DNAJC5B: variants seen among roughly 807,000 people sequenced by gnomAD.
DNAJC5B encodes dnaJ homolog subfamily C member 5B.
DNAJC5B carries 23 observed loss-of-function variants against 24.7 expected under a neutral mutation model. The observed-to-expected ratio is 0.93, with a 90% confidence interval of 0.67 to 1.32. DNAJC5B has a LOEUF of 1.32. Ranked by LOEUF, DNAJC5B falls within the 40% of genes most tolerant of loss-of-function variation. The pLI, the probability that DNAJC5B is intolerant of heterozygous loss-of-function variation, is 0.00. For missense variants in DNAJC5B, 238 were observed against 240.8 expected, an observed-to-expected ratio of 0.99 and a Z score of 0.08; for synonymous variants, 101 against 90.1, an observed-to-expected ratio of 1.12 and a Z score of -0.68.
intron 5 of DNAJC5B, among the ~76,000 whole-genome samples, chr8:66,097,230 GA>G (rs1807973394): frequency 6.7e-6 from 1 of 148,712 alleles, no homozygotes; most frequent in Admixed American, 6.7e-5. Context: ...TAAATTGTCA[GA>G]GTGTCTTTTC....
At chr8:66,059,014 G>A (rs1425639238) in intron 3 of DNAJC5B, among the ~76,000 whole-genome samples, 1 of 152,170 alleles carries the variant, frequency 6.6e-6, no homozygotes, top group Non-Finnish European at 1.5e-5. Flanking sequence ...TGGTGCTGCT[G>A]TTTAAAAACC....
At chr8:66,084,073 A>T (rs1371413106) in intron 5 of DNAJC5B, among the ~76,000 whole-genome samples, 1 of 152,202 alleles carries the variant, frequency 6.6e-6, no homozygotes, top group South Asian at 2.1e-4. Flanking sequence ...CCCTCTCCTT[A>T]TAAGGAACTA....
intron 4 of DNAJC5B, among the ~76,000 whole-genome samples, chr8:66,078,601 AAATAGCTTAAAAAAGG>A (rs1807523256): frequency 1.3e-5 from 2 of 152,160 alleles, no homozygotes; most frequent in South Asian, 4.1e-4. Flanking sequence ...AAAAGGACAA[AAATAGCTTAAAAAAGG>A]GAGGAGTTTC....
intron 3 of DNAJC5B, chr8:66,057,122 G>A (rs1806983010): frequency 6.6e-6 from 1 of 152,154 alleles, no homozygotes; most frequent in African/African-American, 2.4e-5. Flanking sequence ...CTGGGCGACA[G>A]AGCAAGACTG....
chr8:66,032,500 C>T (rs1400276299), intron 1 of DNAJC5B, among the ~76,000 whole-genome samples: 1 of 152,194 alleles, frequency 6.6e-6, no homozygotes, highest in Non-Finnish European at 1.5e-5. Flanking sequence ...CCCCACTCTG[C>T]TTGGGAGGGA....
intron 5 of DNAJC5B, among the ~76,000 whole-genome samples, chr8:66,082,026 T>C (rs1361444274): frequency 6.6e-6 from 1 of 151,798 alleles, no homozygotes; most frequent in Non-Finnish European, 1.5e-5. Context: ...CAGGAAAAGG[T>C]CCGTGACATT....
At chr8:66,098,892 T>C (rs1808011652) in intron 5 of DNAJC5B, among the ~76,000 whole-genome samples, 1 of 152,140 alleles carries the variant, frequency 6.6e-6, no homozygotes, top group Non-Finnish European at 1.5e-5. Context: ...ATAAAAGCAG[T>C]TATTGAAGTC....
chr8:66,054,119 A>G (rs1806913602), intron 3 of DNAJC5B, among the ~76,000 whole-genome samples: 1 of 151,928 alleles, frequency 6.6e-6, no homozygotes, highest in Non-Finnish European at 1.5e-5. Flanking sequence ...ATTATAACAC[A>G]TATTTTCAAT....
At chr8:66,074,184 G>C (rs1807412855) in intron 3 of DNAJC5B, among the ~76,000 whole-genome samples, 1 of 152,170 alleles carries the variant, frequency 6.6e-6, no homozygotes, top group South Asian at 2.1e-4. Context: ...CCACGAGATT[G>C]ACAGACATTA....
chr8:66,046,228 G>A (rs1806719845), intron 2 of DNAJC5B, among the ~76,000 whole-genome samples: 1 of 152,142 alleles, frequency 6.6e-6, no homozygotes, highest in Non-Finnish European at 1.5e-5. Context: ...CTACTTCCAG[G>A]TAACTCTACT....
At chr8:66,078,354 G>A (rs1807517560) in intron 4 of DNAJC5B, among the ~76,000 whole-genome samples, 1 of 152,110 alleles carries the variant, frequency 6.6e-6, no homozygotes, top group Admixed American at 6.5e-5. Flanking sequence ...CCTGCACGTA[G>A]CAATCATGTG....
chr8:66,081,304 C>T (rs555197541), intron 5 of DNAJC5B, among the ~76,000 whole-genome samples: 55 of 152,148 alleles, frequency 3.6e-4, no homozygotes, highest in Non-Finnish European at 6.8e-4. Flanking sequence ...TGGGGTCAGA[C>T]CTGCCATTGT....
rs568800473 is a variant in DNAJC5B at position 66,026,781 on chromosome 8, G to C, written c.-142+5076G>C. 1.2e-4 allele frequency among the ~76,000 whole-genome samples: 19 copies of C among 152,336 alleles called. 1 individual carries two copies. In the East Asian group the frequency reaches 2.1e-3, roughly 17 times the overall value. Reference sequence around the variant, plus strand: ...GCTATCCCATGGGAACCTCAGAAGGGGGAAGGTTATGCTCTAAAATGCATG... The same window carrying C: ...GCTATCCCATGGGAACCTCAGAAGGCGGAAGGTTATGCTCTAAAATGCATG... On this transcript the variant is annotated intron_variant, in intron 1 of 5. Transcript: ENST00000276570.
At chr8:66,069,570 G>A (rs1366248999) in intron 3 of DNAJC5B, among the ~76,000 whole-genome samples, 1 of 152,164 alleles carries the variant, frequency 6.6e-6, no homozygotes, top group Non-Finnish European at 1.5e-5. Context: ...GTAATTAATA[G>A]CCTACTAACC....
intron 3 of DNAJC5B, among the ~76,000 whole-genome samples, chr8:66,069,596 C>T (rs1007738168): frequency 6.6e-6 from 1 of 152,176 alleles, no homozygotes; most frequent in African/African-American, 2.4e-5. Flanking sequence ...AAGTCCAGGA[C>T]CAGATGGATT....
chr8:66,068,404 A>G (rs931493021), intron 3 of DNAJC5B, among the ~76,000 whole-genome samples: 6 of 152,116 alleles, frequency 3.9e-5, no homozygotes, highest in Non-Finnish European at 7.4e-5. Flanking sequence ...AGAAAATACA[A>G]TCACCAAAGG....
intron 5 of DNAJC5B, among the ~76,000 whole-genome samples, chr8:66,081,206 A>T (rs1026161432): frequency 1.3e-5 from 2 of 152,162 alleles, no homozygotes; most frequent in South Asian, 4.1e-4. Flanking sequence ...AAAAAATTTT[A>T]AAAATGTAAA....
intron 5 of DNAJC5B, among the ~76,000 whole-genome samples, chr8:66,084,625 T>C (rs1807680685): frequency 6.6e-6 from 1 of 152,070 alleles, no homozygotes; most frequent in Non-Finnish European, 1.5e-5. Context: ...GAGATGCCCA[T>C]AAAAATTCAG....
chr8:66,053,331 A>G (rs1161140183), intron 3 of DNAJC5B, among the ~76,000 whole-genome samples: 1 of 152,188 alleles, frequency 6.6e-6, no homozygotes, highest in Non-Finnish European at 1.5e-5. Context: ...CAGGAAGGAC[A>G]TGGTGATAAC....
Sources: allele counts gnomAD v4.1 joint callset (sites outside exome capture counted in the v4.1 genomes callset), GRCh38; gene constraint gnomAD v4.1.1; transcripts MANE v1.5; gene names NCBI Gene and HGNC (gene_info 2026-07-23, HGNC 2026-07-21).